ASIC4: variants seen among roughly 807,000 people sequenced by gnomAD.
ASIC4 encodes acid-sensing ion channel 4.
In ASIC4, 28 loss-of-function variants were observed where a neutral mutation model predicts 53.4. That is an observed-to-expected ratio of 0.52 (90% CI 0.39 to 0.72). ASIC4 has a LOEUF of 0.72. Ranked by LOEUF, ASIC4 falls within the 30% of genes least tolerant of loss-of-function variation. The pLI, the probability that ASIC4 is intolerant of heterozygous loss-of-function variation, is 0.00. For missense variants in ASIC4, 649 were observed against 729.7 expected, an observed-to-expected ratio of 0.89 and a Z score of 1.27; for synonymous variants, 289 against 301.4, an observed-to-expected ratio of 0.96 and a Z score of 0.43.
In ASIC4 at chr2:219,532,135, A is replaced by G. The variant is rs200868720; in HGVS notation, c.855+7A>G. ...GTCCTGCCAGGAACAGCGGGTGAGC[A>G]TCTCCTGCTAGGCCCTGGATTGGGC... On this transcript the variant is annotated splice_region_variant and intron_variant, in intron 3 of 9. Coordinates refer to ENST00000358078, the MANE Select transcript of ASIC4 (RefSeq NM_018674.6). The G allele has an allele frequency of 6.8e-5, 109 of 1,613,908 alleles. No homozygotes were observed. Among genetic ancestry groups the G allele is most frequent in the Non-Finnish European group, 2.0e-5 (24 of 1,180,020 alleles).
chr2:219,507,767 G>A, the ASIC4 span, among the ~76,000 whole-genome samples: 2 of 152,234 alleles, frequency 1.3e-5, no homozygotes, highest in South Asian at 2.1e-4. Context: ...CTAATTACCC[G>A]AAGAGAATGG....
Position 219,535,465 on chromosome 2 carries a change from G to C in ASIC4, c.1229+141G>C, listed in dbSNP as rs1020518384. ...TGTGTATGTGGGTGTGGGTGTGTAT[G>C]TGTGTGGGGTGTATGTGGGTGTGTA... is the stretch of plus-strand genomic sequence containing the variant. On this transcript the variant is annotated intron_variant, in intron 6 of 9. Transcript: ENST00000358078. 8 of 995,176 alleles carry C rather than the reference G, an allele frequency of 8.0e-6. No homozygotes were observed. In the African/African-American group the frequency reaches 1.3e-4, roughly 16 times the overall value. 61.6% of individuals were successfully genotyped at this position (995,176 alleles called of 1,614,324 possible). A position where few individuals can be genotyped will look rare whatever the true frequency, so the allele number is the denominator to read the frequency against.
chr2:219,522,638 A>G (rs187586057), intron 1 of ASIC4, among the ~76,000 whole-genome samples: 5,421 of 152,166 alleles, frequency 0.036, 315 homozygotes, highest in African/African-American at 0.12. Context: ...CAAGTCCCTC[A>G]GTGCCCCCGG....
At position 219,515,190 on chromosome 2, in the gene ASIC4, C is replaced by A. The variant is rs967035531; in HGVS notation, c.466C>A (p.Arg156Ser). The part of the protein sequence containing the change: ...DRDGHRAAGL[R>S]YPEPDMVDIL... ...GGATGGGCACCGTGCGGCTGGCCTG[C>A]GCTACCCAGAGCCTGACATGGTAGA... Residue 156 changes from arginine to serine, a missense_variant, in exon 1 of 10, where the codon CGC (arginine) becomes AGC (serine). Coordinates refer to ENST00000358078, the MANE Select transcript of ASIC4 (RefSeq NM_018674.6). 6.2e-7 allele frequency: 1 copy of A among 1,614,186 alleles called. No individual in the cohort carries two copies. Among genetic ancestry groups the A allele is most frequent in the South Asian group, 1.1e-5 (1 of 91,088 alleles).
chr2:219,526,768 A>T (rs1694968064), intron 1 of ASIC4, among the ~76,000 whole-genome samples: 1 of 152,154 alleles, frequency 6.6e-6, no homozygotes, highest in South Asian at 2.1e-4. Context: ...GTGTCAGTGT[A>T]CAGCACAGAC....
intron 1 of ASIC4, among the ~76,000 whole-genome samples, chr2:219,530,135 G>T (rs1695017948): frequency 6.6e-6 from 1 of 152,212 alleles, no homozygotes; most frequent in South Asian, 2.1e-4. Context: ...GAGCGGGAGA[G>T]AGTGATTGAG....
At position 219,516,062 on chromosome 2, in the gene ASIC4, T is replaced by C. The variant is rs1694783395; in HGVS notation, c.582+756T>C. Among the ~76,000 whole-genome samples the C allele has an allele frequency of 6.6e-6, 1 of 152,144 alleles. No homozygotes were observed. Among genetic ancestry groups the C allele is most frequent in the Non-Finnish European group, 1.5e-5 (1 of 68,018 alleles). Reference sequence around the variant, plus strand: ...TCACTGCTGCCCCAGCACGGGTGCATGCACACATGCACACGCACACACGCA... The same window carrying C: ...TCACTGCTGCCCCAGCACGGGTGCACGCACACATGCACACGCACACACGCA... On this transcript the variant is annotated intron_variant, in intron 1 of 9. Transcript: ENST00000358078. The surrounding 1 kb of genome is among the most constrained non-coding windows in gnomAD (Gnocchi z 4.9).
intron 6 of ASIC4, among the ~76,000 whole-genome samples, chr2:219,535,754 A>AG (rs1210056445): frequency 6.7e-6 from 1 of 148,450 alleles, no homozygotes; most frequent in African/African-American, 2.5e-5. Flanking sequence ...TGCCCTTCAT[A>AG]GCTCTATTCT....
upstream of ASIC4, among the ~76,000 whole-genome samples, chr2:219,513,002 C>A (rs1347903585): frequency 6.6e-6 from 1 of 152,214 alleles, no homozygotes; most frequent in Non-Finnish European, 1.5e-5. Context: ...GGCCCCTCCC[C>A]TGGGGCCAGG....
chr2:219,537,050 C>CT lies in ASIC4; in HGVS notation c.1230-14dup, dbSNP rs761327532. The CT allele has an allele frequency of 1.7e-5, 27 of 1,611,856 alleles. No individual in the cohort carries two copies. In the African/African-American group the frequency reaches 2.9e-4, roughly 18 times the overall value. On this transcript the variant is annotated splice_polypyrimidine_tract_variant and intron_variant, in intron 6 of 9. Transcript: ENST00000358078. The surrounding 1 kb of genome is among the most constrained non-coding windows in gnomAD (Gnocchi z 4.9). ...AAGAGAGGCCCACACGGATACCCTG[C>CT]TTCCTGTCTCCACAGGGAGAACTTC... is the stretch of plus-strand genomic sequence containing the variant.
At chr2:219,514,391 C>G, upstream of ASIC4, 2 of 1,547,632 alleles carry the variant, frequency 1.3e-6, no homozygotes, top group East Asian at 2.4e-5. Flanking sequence ...GAGCAGCGCT[C>G]GCTCCCTCGC....
chr2:219,532,747 TTG>T, intron 4 of ASIC4, 134 bp from the exon 5 acceptor site: 3 of 921,942 alleles, frequency 3.3e-6, no homozygotes, highest in East Asian at 2.5e-5. Flanking sequence ...TTTGTGGGGG[TTG>T]TGTGTGTGGT....
In ASIC4 at chr2:219,518,592, C is replaced by T. The variant is rs552830918; in HGVS notation, c.582+3286C>T. ...ATTCTACCACCTGTATGTCCCCCACCCCCAGCCTTGTAGACAGCTCTCCCT... is the reference window on the plus strand; with the variant it reads ...ATTCTACCACCTGTATGTCCCCCACTCCCAGCCTTGTAGACAGCTCTCCCT... On this transcript the variant is annotated intron_variant, in intron 1 of 9. Coordinates refer to ENST00000358078, the MANE Select transcript of ASIC4 (RefSeq NM_018674.6). This position sits in a 1 kb window ranked among gnomAD's most constrained non-coding sequence, Gnocchi z 4.8. Among the ~76,000 whole-genome samples the T allele has an allele frequency of 2.0e-5, 3 of 152,170 alleles. No individual in the cohort carries two copies. Among genetic ancestry groups the T allele is most frequent in the African/African-American group, 7.2e-5 (3 of 41,502 alleles).
upstream of ASIC4, among the ~76,000 whole-genome samples, chr2:219,509,954 C>T (rs1283182447): frequency 3.3e-5 from 5 of 152,084 alleles, no homozygotes; most frequent in Admixed American, 6.5e-5. The surrounding 1 kb of genome is among the most constrained non-coding windows in gnomAD (Gnocchi z 5.2). Context: ...TCTCGATCCT[C>T]GGTAGTGCGT....
chr2:219,531,328 T>G (rs981843894), intron 1 of ASIC4, among the ~76,000 whole-genome samples: 1 of 151,954 alleles, frequency 6.6e-6, no homozygotes, highest in African/African-American at 2.4e-5. Context: ...ATCGTGCCAC[T>G]GCACACCAGC....
At chr2:219,515,857 A>G (rs1483723497) in intron 1 of ASIC4, among the ~76,000 whole-genome samples, 2 of 152,026 alleles carry the variant, frequency 1.3e-5, no homozygotes, top group African/African-American at 4.8e-5. Flanking sequence ...TCTCTTCTGG[A>G]TCTCTGTGTG....
intron 6 of ASIC4, among the ~76,000 whole-genome samples, chr2:219,535,970 A>G (rs140933665): frequency 0.029 from 4,481 of 151,904 alleles, 211 homozygotes; most frequent in African/African-American, 0.1. Flanking sequence ...ATGGGGTTTC[A>G]CCATGTTGGC....
At chr2:219,529,533 A>ATGGGGC (rs1695006823) in intron 1 of ASIC4, among the ~76,000 whole-genome samples, 1 of 152,158 alleles carries the variant, frequency 6.6e-6, no homozygotes, top group Admixed American at 6.5e-5. Flanking sequence ...ATCTACCTGG[A>ATGGGGC]TGGGGCTGGG....
rs1236309453 is a variant in ASIC4 at position 219,514,611 on chromosome 2, C to G, written c.-114C>G. 6.2e-7 allele frequency: 1 copy of G among 1,605,742 alleles called. No homozygotes were observed. The highest frequency in any genetic ancestry group is 1.7e-5 in the Admixed American group (1 of 58,550). ...TGTCCCTGTCCTCTTCCCGCTTGCC[C>G]TGAGTTTAGAAGAGCAGCCGCTGCC... On this transcript the variant is annotated 5_prime_UTR_variant, in exon 1 of 10. Transcript: ENST00000358078.
Sources: allele counts gnomAD v4.1 joint callset (sites outside exome capture counted in the v4.1 genomes callset), GRCh38; gene constraint gnomAD v4.1.1; non-coding constraint Gnocchi (gnomAD v3.1); transcripts MANE v1.5; gene names NCBI Gene and HGNC (gene_info 2026-07-23, HGNC 2026-07-21).